TMEFF1: variants seen among roughly 807,000 people sequenced by gnomAD.
The protein encoded by TMEFF1 is transmembrane protein with EGF like and two follistatin like domains 1.
Under a neutral mutation model 47.5 loss-of-function variants are expected in TMEFF1, and 20 were observed. The ratio of observed to expected loss-of-function variants is 0.42; its 90% CI spans 0.30 to 0.61. TMEFF1 has a LOEUF of 0.61. TMEFF1 is among the 20% of genes least tolerant of loss of function. The pLI is 0.19. For synonymous variants in TMEFF1, 162 were observed against 166.3 expected (o/e 0.97, Z 0.20); for missense variants, 411 against 471.1 (o/e 0.87, Z 1.18).
At chr9:100,522,822 C>T (rs1838189270) in intron 5 of TMEFF1, among the ~76,000 whole-genome samples, 1 of 152,126 alleles carries the variant, frequency 6.6e-6, no homozygotes, top group Non-Finnish European at 1.5e-5. Context: ...GCAAGCTCCG[C>T]CTCTGGGGTT....
At chr9:100,540,350 C>T (rs571500137) in intron 5 of TMEFF1, among the ~76,000 whole-genome samples, 15 of 152,330 alleles carry the variant, frequency 9.8e-5, no homozygotes, top group African/African-American at 2.9e-4. Flanking sequence ...AGTCCCCACC[C>T]GACCTAGAAG....
At chr9:100,527,969 A>C (rs10989138) in intron 5 of TMEFF1, among the ~76,000 whole-genome samples, 33,230 of 151,600 alleles carry the variant, frequency 0.22, 3,964 homozygotes, top group South Asian at 0.32. Flanking sequence ...AGGTACCCCC[A>C]AGCAGGGGCA....
At chr9:100,548,135 C>A (rs754978837) in intron 6 of TMEFF1, among the ~76,000 whole-genome samples, 4 of 151,526 alleles carry the variant, frequency 2.6e-5, no homozygotes, top group Non-Finnish European at 4.4e-5. Context: ...GCTAGCTGAT[C>A]CTAACATGGA....
rs113467121 is a variant in TMEFF1, at chr9:100,519,490, C to T, written c.560+2719C>T. ...CTCACTTCAAAGATGAAATCATTGA[C>T]GACTAAAGTCAGAGGGTTTGATGTG... On this transcript the variant is annotated intron_variant, in intron 5 of 9. Transcript: ENST00000374879. Among the ~76,000 whole-genome samples, 850 of 151,956 alleles carry T rather than the reference C, an allele frequency of 5.6e-3. 8 individuals carry two copies. The highest frequency in any genetic ancestry group is 9.3e-3 in the Non-Finnish European group (632 of 67,956).
chr9:100,518,726 TA>T (rs1344074782), intron 5 of TMEFF1, among the ~76,000 whole-genome samples: 1 of 152,260 alleles, frequency 6.6e-6, no homozygotes, highest in African/African-American at 2.4e-5. Context: ...TTTAACAGTG[TA>T]AATGTATCTC....
chr9:100,532,909 TA>T lies in TMEFF1; in HGVS notation c.561-14829del, dbSNP rs952083032. 3.1e-3 allele frequency among the ~76,000 whole-genome samples: 474 copies of T among 152,066 alleles called. 2 individuals carry two copies. The highest frequency in any genetic ancestry group is 0.011 in the African/African-American group (446 of 41,466). ...TACACCATGGAATACTATGCAGCCA[TA>T]AAAAATGATGAGTTCATGTCCTTTG... On this transcript the variant is annotated intron_variant, in intron 5 of 9. Transcript: ENST00000374879.
At chr9:100,512,179 G>T (rs1326985413) in intron 3 of TMEFF1, among the ~76,000 whole-genome samples, 1 of 151,966 alleles carries the variant, frequency 6.6e-6, no homozygotes, top group Non-Finnish European at 1.5e-5. Flanking sequence ...TTCCTCCCTC[G>T]CTGTCTTTTT....
chr9:100,530,807 C>A (rs1838361697), intron 5 of TMEFF1, among the ~76,000 whole-genome samples: 2 of 151,982 alleles, frequency 1.3e-5, no homozygotes, highest in Non-Finnish European at 1.5e-5. Context: ...AGACCAATAT[C>A]CTTGATGAAC....
chr9:100,530,516 C>T (rs1447215130), intron 5 of TMEFF1, among the ~76,000 whole-genome samples: 2 of 152,202 alleles, frequency 1.3e-5, no homozygotes, highest in Non-Finnish European at 2.9e-5. Flanking sequence ...GACACATACA[C>T]CCTCCCAAGA....
chr9:100,477,539 A>G (rs2118225970), intron 1 of TMEFF1, among the ~76,000 whole-genome samples: 1 of 152,094 alleles, frequency 6.6e-6, no homozygotes, highest in East Asian at 1.9e-4. Context: ...TGTATTCGAA[A>G]ACTTATTTAT....
intron 4 of TMEFF1, among the ~76,000 whole-genome samples, chr9:100,515,839 A>G (rs560925393): frequency 6.6e-6 from 1 of 152,084 alleles, no homozygotes; most frequent in South Asian, 2.1e-4. Flanking sequence ...CCTGAATAGT[A>G]CTCTTTTTCA....
At chr9:100,534,639 C>T (rs145096690) in intron 5 of TMEFF1, among the ~76,000 whole-genome samples, 1 of 152,238 alleles carries the variant, frequency 6.6e-6, no homozygotes, top group Non-Finnish European at 1.5e-5. Context: ...GTAATTTAAT[C>T]TTCTTTCTTT....
chr9:100,569,596 C>G (rs946755170), intron 8 of TMEFF1, among the ~76,000 whole-genome samples: 6 of 151,918 alleles, frequency 3.9e-5, no homozygotes, highest in African/African-American at 1.4e-4. Context: ...GGTGTCATAT[C>G]TAAGAAACTG....
chr9:100,492,710 G>T (rs1237065488), intron 1 of TMEFF1, among the ~76,000 whole-genome samples: 1 of 152,140 alleles, frequency 6.6e-6, no homozygotes, highest in Non-Finnish European at 1.5e-5. Context: ...GGTTACAAGG[G>T]GAGGCCAGAA....
chr9:100,474,077 T>A (rs1185416130), intron 1 of TMEFF1, among the ~76,000 whole-genome samples: 2 of 145,452 alleles, frequency 1.4e-5, no homozygotes, highest in Non-Finnish European at 3.0e-5. Context: ...CGCGGGAGCG[T>A]GTGTTTGTGT....
chr9:100,519,188 G>GC (rs1838119617), intron 5 of TMEFF1, among the ~76,000 whole-genome samples: 1 of 151,988 alleles, frequency 6.6e-6, no homozygotes, highest in Non-Finnish European at 1.5e-5. Flanking sequence ...GGCGGGCAGA[G>GC]CATGAGGTCA....
At chr9:100,569,697 C>T (rs1839189545) in intron 8 of TMEFF1, among the ~76,000 whole-genome samples, 1 of 152,056 alleles carries the variant, frequency 6.6e-6, no homozygotes, top group African/African-American at 2.4e-5. Context: ...ATTATGTATA[C>T]ATATTATGTA....
At chr9:100,572,726 G>A (rs1389375688) in intron 9 of TMEFF1, 50 bp downstream of exon 9, 2 of 1,544,150 alleles carry the variant, frequency 1.3e-6, no homozygotes, top group South Asian at 1.2e-5. Context: ...GCAGGCAACT[G>A]TTTATTTATA....
chr9:100,473,582 C>G lies in TMEFF1; in HGVS notation c.38C>G (p.Pro13Arg). 6.5e-7 allele frequency: 1 copy of G among 1,548,966 alleles called. No individual in the cohort carries two copies. Among genetic ancestry groups the G allele is most frequent in the Non-Finnish European group, 8.7e-7 (1 of 1,149,392 alleles). ...AAAAEAPLRLPAAPPLAFCCY... is the reference protein window; with the variant it reads ...AAAAEAPLRLRAAPPLAFCCY... ...GCCGCTGAGGCGCCGCTCCGGCTGC[C>G]TGCCGCGCCTCCGCTCGCCTTCTGC... Residue 13 changes from proline (P) to arginine (R), a missense_variant, in exon 1 of 10, where the codon CCT becomes CGT. Physicochemically the swap from Pro to Arg is moderately radical, Grantham distance 103. Coordinates refer to ENST00000374879, the MANE Select transcript of TMEFF1 (RefSeq NM_003692.5). The surrounding 1 kb of genome is among the most constrained non-coding windows in gnomAD (Gnocchi z 5.4).
Sources: allele counts gnomAD v4.1 joint callset (sites outside exome capture counted in the v4.1 genomes callset), GRCh38; gene constraint gnomAD v4.1.1; non-coding constraint Gnocchi (gnomAD v3.1); transcripts MANE v1.5; gene names NCBI Gene and HGNC (gene_info 2026-07-23, HGNC 2026-07-21).